ZGRF1: variants seen among roughly 807,000 people sequenced by gnomAD.
ZGRF1 encodes zinc finger GRF-type containing 1.
In ZGRF1, 196 loss-of-function variants were observed where a neutral mutation model predicts 203.5. The ratio of observed to expected loss-of-function variants is 0.96; its 90% CI spans 0.86 to 1.08. The LOEUF is 1.08. Among genes scored for constraint, ZGRF1 ranks in the 50% least tolerant of loss-of-function variants. ZGRF1 has a pLI of 0.00. For synonymous variants in ZGRF1, 809 were observed against 841.3 expected (o/e 0.96, Z 0.66); for missense variants, 2,326 against 2,416.3 (o/e 0.96, Z 0.78).
chr4:112,564,167 T>G (rs565949869), intron 16 of ZGRF1, among the ~76,000 whole-genome samples: 1 of 152,184 alleles, frequency 6.6e-6, no homozygotes, highest in Non-Finnish European at 1.5e-5. Flanking sequence ...GTAAGGATAT[T>G]AGCAGTTCTA....
chr4:112,610,443 A>T (rs2101391), intron 7 of ZGRF1, among the ~76,000 whole-genome samples: 1 of 151,604 alleles, frequency 6.6e-6, no homozygotes, highest in African/African-American at 2.4e-5. Context: ...TGGTGGCGTG[A>T]GCCTGTGGTC....
chr4:112,604,603 G>C (rs1004911301), intron 9 of ZGRF1, among the ~76,000 whole-genome samples: 1 of 152,120 alleles, frequency 6.6e-6, no homozygotes, highest in African/African-American at 2.4e-5. Context: ...TTTACTTAGG[G>C]GTTTTGTAAA....
At chr4:112,608,934 AT>A (rs1214903429) in intron 8 of ZGRF1, among the ~76,000 whole-genome samples, 2 of 152,228 alleles carry the variant, frequency 1.3e-5, no homozygotes, top group Non-Finnish European at 2.9e-5. Context: ...CATATAGTAC[AT>A]TTATACTAAA....
intron 20 of ZGRF1, among the ~76,000 whole-genome samples, chr4:112,557,582 G>A (rs189793451): frequency 6.6e-6 from 1 of 152,264 alleles, no homozygotes; most frequent in South Asian, 2.1e-4. Flanking sequence ...TATCTGCATT[G>A]GTTTCCCTTG....
chr4:112,555,540 A>T (rs1301429929), intron 20 of ZGRF1, among the ~76,000 whole-genome samples: 1 of 152,210 alleles, frequency 6.6e-6, no homozygotes, highest in East Asian at 1.9e-4. Flanking sequence ...CATTTTTCAC[A>T]GTCTTCACCC....
At chr4:112,543,593 G>A (rs759290588) in intron 24 of ZGRF1, among the ~76,000 whole-genome samples, 4 of 152,012 alleles carry the variant, frequency 2.6e-5, no homozygotes, top group Non-Finnish European at 4.4e-5. Flanking sequence ...CATGAAAAAG[G>A]GCAGAACAGT....
chr4:112,555,334 T>A (rs1270838751), intron 20 of ZGRF1, among the ~76,000 whole-genome samples: 1 of 152,184 alleles, frequency 6.6e-6, no homozygotes, highest in Non-Finnish European at 1.5e-5. Flanking sequence ...CACTTCCCTT[T>A]TATATATCTT....
chr4:112,587,977 T>A, intron 11 of ZGRF1, 48 bp from the exon 12 acceptor site: 1 of 1,380,288 alleles, frequency 7.2e-7, no homozygotes, highest in Admixed American at 3.0e-5. Context: ...CTACTAGTTA[T>A]CACCTAGGCT....
chr4:112,613,606 G>C (rs534101399), intron 6 of ZGRF1, among the ~76,000 whole-genome samples: 1 of 152,158 alleles, frequency 6.6e-6, no homozygotes, highest in Admixed American at 6.5e-5. Flanking sequence ...TTTCTCATGG[G>C]AAGTAACATT....
chr4:112,623,446 CA>C (rs2047128985), intron 4 of ZGRF1, among the ~76,000 whole-genome samples: 1 of 152,064 alleles, frequency 6.6e-6, no homozygotes, highest in Admixed American at 6.6e-5. Context: ...GAGAATATGT[CA>C]CAAAAAATTT....
In ZGRF1 at chr4:112,618,991, T is replaced by G. The variant is rs377154390; in HGVS notation, c.1051A>C (p.Lys351Gln). Reference protein sequence around the residue: ...STVDGNDTERKPKAQEDDVNS... With the variant: ...STVDGNDTERQPKAQEDDVNS... ...ACATCATCTTCCTGGGCCTTGGGTTTCCTTTCTGTATCATTCCCATCTACA... is the reference window on the plus strand; with the variant it reads ...ACATCATCTTCCTGGGCCTTGGGTTGCCTTTCTGTATCATTCCCATCTACA... The change falls in exon 6 of 28, where the codon AAA becomes CAA. Residue 351 changes from lysine (K) to glutamine (Q), a missense_variant. Physicochemically the swap from Lys to Gln is moderately conservative, Grantham distance 53. Coordinates refer to ENST00000505019, the MANE Select transcript of ZGRF1 (RefSeq NM_018392.5). The G allele has an allele frequency of 6.2e-7, 1 of 1,613,620 alleles. No homozygotes were observed. Among genetic ancestry groups the G allele is most frequent in the African/African-American group, 1.3e-5 (1 of 74,854 alleles).
At position 112,618,260 on chromosome 4, in the gene ZGRF1, A is replaced by C. The variant is rs143714902; in HGVS notation, c.1782T>G (p.Ser594=). 6.2e-7 allele frequency: 1 copy of C among 1,613,828 alleles called. No individual in the cohort carries two copies. Among genetic ancestry groups the C allele is most frequent in the Non-Finnish European group, 8.5e-7 (1 of 1,179,892 alleles). The change falls in exon 6 of 28, where the codon TCT becomes TCG. Residue 594 remains serine, a synonymous_variant. Coordinates refer to ENST00000505019, the MANE Select transcript of ZGRF1 (RefSeq NM_018392.5). ...ATGTCACTGTAGGTTTGTCACTAAC[A>C]GATGTTAAGAATGGCAAATGTTCAC... The part of the protein sequence containing the change: ...IEGEHLPFLT[S]VSDKPTVTFP...
intron 10 of ZGRF1, among the ~76,000 whole-genome samples, chr4:112,601,487 T>C (rs1749967196): frequency 6.6e-6 from 1 of 150,974 alleles, no homozygotes; most frequent in South Asian, 2.1e-4. Flanking sequence ...GGCAGGAGAA[T>C]TGCTAGAACC....
At position 112,577,092 on chromosome 4, in the gene ZGRF1, G is replaced by A. The variant is rs537220979; in HGVS notation, c.4438+4571C>T. On this transcript the variant is annotated intron_variant, in intron 16 of 27. Transcript: ENST00000505019. ...AACAGCTGATCTCTCAGCAGAAACT[G>A]TACAAGCCAGAAGAAAGTGGGGGCC... is the stretch of plus-strand genomic sequence containing the variant. Among the ~76,000 whole-genome samples the A allele has an allele frequency of 6.4e-4, 42 of 65,738 alleles. 7 individuals are homozygous for A. The highest frequency in any genetic ancestry group is 6.0e-3 in the Admixed American group (30 of 5,020). 43.1% of individuals were successfully genotyped at this position (65,738 alleles called of 152,430 possible).
At chr4:112,539,792 C>A (rs1737180654) in intron 27 of ZGRF1, 71 bp downstream of exon 27, 4 of 1,568,386 alleles carry the variant, frequency 2.6e-6, no homozygotes, top group South Asian at 2.3e-5. Flanking sequence ...CTGCTTGAAG[C>A]ACCCCAAGCA....
intron 24 of ZGRF1, among the ~76,000 whole-genome samples, chr4:112,546,248 T>C (rs182668909): frequency 6.6e-5 from 10 of 151,898 alleles, no homozygotes; most frequent in Admixed American, 5.9e-4. Context: ...CCAGAAGCTA[T>C]AGGGAAGAGG....
intron 16 of ZGRF1, chr4:112,565,066 C>T (rs773367786): frequency 8.9e-6 from 11 of 1,240,936 alleles, no homozygotes; most frequent in South Asian, 1.2e-5. Context: ...AAAAGCCGCT[C>T]GCAAGAGTGT....
chr4:112,635,539 C>A (rs2047573665), intron 1 of ZGRF1, among the ~76,000 whole-genome samples: 1 of 151,608 alleles, frequency 6.6e-6, no homozygotes, highest in African/African-American at 2.4e-5. Flanking sequence ...ATCCTTCCAG[C>A]CTCCCAAAGT....
intron 25 of ZGRF1, 44 bp downstream of exon 25, chr4:112,541,048 G>A: frequency 6.5e-7 from 1 of 1,545,282 alleles, no homozygotes; most frequent in Middle Eastern, 1.7e-4. Flanking sequence ...ATTAAACCAG[G>A]AACCTAAACC....
Sources: allele counts gnomAD v4.1 joint callset (sites outside exome capture counted in the v4.1 genomes callset), GRCh38; gene constraint gnomAD v4.1.1; transcripts MANE v1.5; gene names NCBI Gene and HGNC (gene_info 2026-07-23, HGNC 2026-07-21).